Variants in EXOC6B observed in about 807,000 individuals in gnomAD.
The protein encoded by EXOC6B is SEC15 homolog B.
Under a neutral mutation model 113.5 loss-of-function variants are expected in EXOC6B, and 54 were observed. The observed-to-expected ratio is 0.48, with a 90% CI of 0.38 to 0.60. The LOEUF (loss-of-function observed/expected upper bound fraction) is 0.60. EXOC6B is among the 20% of genes least tolerant of loss of function. The pLI is 0.00. For missense variants in EXOC6B, 797 were observed against 977.5 expected, an observed-to-expected ratio of 0.82 and a Z score of 2.46; for synonymous variants, 357 against 339.0, an observed-to-expected ratio of 1.05 and a Z score of -0.58.
chr2:72,306,108 TA>T (rs1405517261), intron 20 of EXOC6B, among the ~76,000 whole-genome samples: 1 of 152,090 alleles, frequency 6.6e-6, no homozygotes, highest in Non-Finnish European at 1.5e-5. Context: ...GCTGACACAG[TA>T]AGGGATCTCT....
intron 6 of EXOC6B, among the ~76,000 whole-genome samples, chr2:72,654,880 T>A (rs1340139006): frequency 6.6e-6 from 1 of 152,208 alleles, no homozygotes; most frequent in East Asian, 1.9e-4. Context: ...TGTCAAATAT[T>A]TTCCAATAAA....
chr2:72,558,989 A>C (rs1045907876), intron 8 of EXOC6B, among the ~76,000 whole-genome samples: 4 of 152,182 alleles, frequency 2.6e-5, no homozygotes, highest in Non-Finnish European at 4.4e-5. Flanking sequence ...ATGTGAGTGT[A>C]CTACCAAAAT....
rs188690999 is a variant in EXOC6B, at chr2:72,566,012, G to T, written c.847-6491C>A. ...AAAAATAGTTCTCAGGTTTTGTTTT[G>T]TTTTTTTTTTTAAGTTTTAAAGTGT... On this transcript the variant is annotated intron_variant, in intron 7 of 21. Transcript: ENST00000272427. Among the ~76,000 whole-genome samples, 424 of 143,808 alleles carry T rather than the reference G, an allele frequency of 2.9e-3. 1 individual carries two copies. The highest frequency in any genetic ancestry group is 4.7e-3 in the African/African-American group (187 of 39,568). The allele number at this position is 143,808 out of a possible 152,430, so 94.3% of individuals were successfully genotyped here.
intron 6 of EXOC6B, among the ~76,000 whole-genome samples, chr2:72,609,014 C>T (rs1233024297): frequency 6.6e-6 from 1 of 151,820 alleles, no homozygotes; most frequent in Admixed American, 6.6e-5. Flanking sequence ...TAGATGAGTC[C>T]CAAACACAAA....
chr2:72,458,919 C>A (rs1456880650), intron 18 of EXOC6B, among the ~76,000 whole-genome samples: 1 of 152,050 alleles, frequency 6.6e-6, no homozygotes, highest in Non-Finnish European at 1.5e-5. Context: ...AGTAATTAAA[C>A]ACAACAATTC....
At chr2:72,662,484 TA>T (rs1158136226) in intron 6 of EXOC6B, among the ~76,000 whole-genome samples, 1 of 152,112 alleles carries the variant, frequency 6.6e-6, no homozygotes, top group Non-Finnish European at 1.5e-5. Flanking sequence ...CAATCCAATT[TA>T]AAAGTGGGAA....
intron 21 of EXOC6B, among the ~76,000 whole-genome samples, chr2:72,182,683 C>T (rs1678167624): frequency 1.3e-5 from 2 of 152,074 alleles, no homozygotes; most frequent in South Asian, 4.2e-4. Flanking sequence ...CTCCCAGCCC[C>T]AAAGGAATTA....
At chr2:72,478,897 T>C (rs1347178760) in intron 17 of EXOC6B, among the ~76,000 whole-genome samples, 2 of 152,198 alleles carry the variant, frequency 1.3e-5, no homozygotes, top group Admixed American at 1.3e-4. Context: ...CTAGAGAAAT[T>C]TTGGCTTTCA....
intron 6 of EXOC6B, among the ~76,000 whole-genome samples, chr2:72,615,152 T>C (rs145600135): frequency 3.3e-5 from 5 of 152,186 alleles, no homozygotes; most frequent in African/African-American, 1.2e-4. Context: ...GTACTAGAGA[T>C]AAAGACCATC....
At chr2:72,693,345 G>A (rs987435753) in intron 6 of EXOC6B, among the ~76,000 whole-genome samples, 3 of 151,954 alleles carry the variant, frequency 2.0e-5, no homozygotes, top group African/African-American at 7.3e-5. Flanking sequence ...GAGTGCAGTG[G>A]TGCAATCTCA....
chr2:72,763,548 A>C (rs2104910111), intron 1 of EXOC6B, among the ~76,000 whole-genome samples: 1 of 151,678 alleles, frequency 6.6e-6, no homozygotes, highest in South Asian at 2.1e-4. Context: ...TCAGCCTCAC[A>C]AGTAGCTGGG....
intron 6 of EXOC6B, among the ~76,000 whole-genome samples, chr2:72,717,654 CT>C (rs1277404382): frequency 2.0e-5 from 3 of 151,924 alleles, no homozygotes; most frequent in Non-Finnish European, 2.9e-5. Flanking sequence ...AAAGCATTTC[CT>C]AATAGGCCTT....
chr2:72,410,707 T>G (rs1694118174), intron 18 of EXOC6B, among the ~76,000 whole-genome samples: 1 of 152,200 alleles, frequency 6.6e-6, no homozygotes, highest in South Asian at 2.1e-4. Flanking sequence ...TAATTTTAAT[T>G]TTACTTATAT....
intron 19 of EXOC6B, among the ~76,000 whole-genome samples, chr2:72,337,021 A>G (rs1424085641): frequency 6.6e-6 from 1 of 152,030 alleles, no homozygotes; most frequent in Non-Finnish European, 1.5e-5. Flanking sequence ...AAAAAAAAAA[A>G]AAGTAAAATT....
At chr2:72,715,889 T>G (rs1239083883) in intron 6 of EXOC6B, among the ~76,000 whole-genome samples, 2 of 152,106 alleles carry the variant, frequency 1.3e-5, no homozygotes, top group Non-Finnish European at 2.9e-5. Flanking sequence ...ATGTAGTGAC[T>G]ACATGGGCCA....
At chr2:72,776,159 T>G (rs556390027) in intron 1 of EXOC6B, among the ~76,000 whole-genome samples, 2 of 152,260 alleles carry the variant, frequency 1.3e-5, no homozygotes, top group South Asian at 4.1e-4. Flanking sequence ...TATGTGAAAC[T>G]GCAATTATCT....
chr2:72,533,002 C>G (rs1702094972), intron 8 of EXOC6B, among the ~76,000 whole-genome samples: 1 of 152,054 alleles, frequency 6.6e-6, no homozygotes, highest in African/African-American at 2.4e-5. Context: ...TAAAATTATT[C>G]CTAAATTTCA....
At chr2:72,429,473 A>T (rs367592149) in intron 18 of EXOC6B, among the ~76,000 whole-genome samples, 13 of 152,356 alleles carry the variant, frequency 8.5e-5, no homozygotes, top group African/African-American at 2.4e-4. Context: ...TAATCATAGC[A>T]GGTAAGACAT....
At chr2:72,333,497 G>A (rs778130731) in intron 20 of EXOC6B, among the ~76,000 whole-genome samples, 2 of 152,100 alleles carry the variant, frequency 1.3e-5, no homozygotes, top group Non-Finnish European at 2.9e-5. Flanking sequence ...AAACAGGAGG[G>A]TGGGAGGGAA....
Sources: gnomAD v4.1 joint callset for allele counts (sites outside exome capture counted in the v4.1 genomes callset) on GRCh38, gnomAD v4.1.1 for gene constraint, MANE v1.5 for transcripts, NCBI Gene and HGNC (gene_info 2026-07-23, HGNC 2026-07-21) for gene names.